The following CREBBP variants were observed in gnomAD, a reference collection of about 807,000 sequenced individuals.
The protein encoded by CREBBP is CREB-binding protein.
In CREBBP, 19 loss-of-function variants were observed where a neutral mutation model predicts 265.0. The observed-to-expected ratio is 0.07, with a 90% CI of 0.05 to 0.11. CREBBP has a LOEUF of 0.11. CREBBP is among the 10% of genes least tolerant of loss of function. The pLI, the probability that CREBBP is intolerant of heterozygous loss-of-function variation, is 1.00. For synonymous variants in CREBBP, 1,457 were observed against 1,223.7 expected (o/e 1.19, Z -3.98); for missense variants, 2,525 against 3,219.0 (o/e 0.78, Z 5.22).
rs1338953706 is a variant in CREBBP, at chr16:3,726,230, A to C, written c.*1488T>G. On this transcript the variant is annotated 3_prime_UTR_variant, in exon 31 of 31. Transcript: ENST00000262367. Reference sequence around the variant, plus strand: ...AGCACTCTCTGCCTCAGATTCTGGGAGTCGTGTACGGGGGGGGGGAGCCGC... The same window carrying C: ...AGCACTCTCTGCCTCAGATTCTGGGCGTCGTGTACGGGGGGGGGGAGCCGC... 5.0e-6 allele frequency: 1 copy of C among 201,086 alleles called. No individual in the cohort carries two copies. The highest frequency in any genetic ancestry group is 9.5e-6 in the Non-Finnish European group (1 of 104,768). 12.5% of individuals were successfully genotyped at this position (201,086 alleles called of 1,614,324 possible).
At chr16:3,847,174 C>T (rs2054685073) in intron 2 of CREBBP, among the ~76,000 whole-genome samples, 1 of 152,092 alleles carries the variant, frequency 6.6e-6, no homozygotes, top group African/African-American at 2.4e-5. Context: ...GTCACAGAGG[C>T]CATCTAAGGT....
At chr16:3,877,748 C>T (rs1309536583) in intron 1 of CREBBP, among the ~76,000 whole-genome samples, 1 of 152,218 alleles carries the variant, frequency 6.6e-6, no homozygotes, top group Non-Finnish European at 1.5e-5. Flanking sequence ...TCCTTGGTCC[C>T]CCATACTAAC....
chr16:3,870,446 T>G (rs181963878), intron 1 of CREBBP, among the ~76,000 whole-genome samples: 13 of 152,382 alleles, frequency 8.5e-5, no homozygotes, highest in African/African-American at 2.9e-4. Flanking sequence ...CTCTAAGTCC[T>G]AATCTAAATC....
intron 3 of CREBBP, among the ~76,000 whole-genome samples, chr16:3,803,443 G>A (rs2053766265): frequency 6.6e-6 from 1 of 151,694 alleles, no homozygotes. Context: ...AGGCAGAGGT[G>A]GCAGTGAGCC....
intron 2 of CREBBP, among the ~76,000 whole-genome samples, chr16:3,823,621 C>T (rs183808132): frequency 2.0e-5 from 3 of 152,222 alleles, no homozygotes; most frequent in East Asian, 1.9e-4. Context: ...AGACATCCCA[C>T]GTTTGGCTCT....
chr16:3,849,887 G>C (rs1172408665), intron 2 of CREBBP, among the ~76,000 whole-genome samples: 2 of 152,028 alleles, frequency 1.3e-5, no homozygotes, highest in African/African-American at 2.4e-5. Context: ...AGCAGGGAGT[G>C]AGCTGACAAC....
Position 3,758,026 on chromosome 16 carries a change from T to G in CREBBP, c.3392A>C (p.Asn1131Thr), listed in dbSNP as rs2151384051. 1 of 1,612,552 alleles carries G rather than the reference T, an allele frequency of 6.2e-7. No individual in the cohort carries two copies. Among genetic ancestry groups the G allele is most frequent in the Non-Finnish European group, 8.5e-7 (1 of 1,179,964 alleles). Residue 1131 changes from asparagine to threonine, a missense_variant, in exon 18 of 31, where the codon AAT becomes ACT. By Grantham distance (65) the Asn-to-Thr change is moderately conservative. Around this residue, in one of 19 missense-constraint regions of CREBBP, gnomAD observed 252 missense variants for 452.5 expected, o/e 0.56. Transcript: ENST00000262367. ...GIPDYFDIVKNPMDLSTIKRK... is the reference protein window; with the variant it reads ...GIPDYFDIVKTPMDLSTIKRK... ...CTTGATGGTGGAGAGGTCCATGGGA[T>G]TCTTTACGATGTCAAAATAGTCCTT...
intron 1 of CREBBP, among the ~76,000 whole-genome samples, chr16:3,862,039 T>G (rs767342477): frequency 4.6e-5 from 7 of 152,278 alleles, no homozygotes; most frequent in Admixed American, 6.5e-5. Context: ...CCTCACTCGG[T>G]GCAGGACCGG....
chr16:3,866,157 AAAG>A (rs2055175294), intron 1 of CREBBP, among the ~76,000 whole-genome samples: 1 of 152,248 alleles, frequency 6.6e-6, no homozygotes, highest in Non-Finnish European at 1.5e-5. Context: ...AGGGCACTTT[AAAG>A]AAGAACTTTT....
intron 21 of CREBBP, among the ~76,000 whole-genome samples, chr16:3,748,849 A>C (rs1486147849): frequency 6.6e-6 from 1 of 152,188 alleles, no homozygotes; most frequent in Non-Finnish European, 1.5e-5. Context: ...ATCACTGTAG[A>C]AAAGTGCTTA....
In CREBBP at chr16:3,778,063, G is replaced by C. The variant is rs146874678; in HGVS notation, c.2061C>G (p.Ala687=). The C allele has an allele frequency of 1.9e-6, 3 of 1,614,100 alleles. No homozygotes were observed. Among genetic ancestry groups the C allele is most frequent in the Non-Finnish European group, 2.5e-6 (3 of 1,180,030 alleles). The change falls in exon 10 of 31, where the codon GCC becomes GCG. Residue 687 remains alanine, a synonymous_variant. Transcript: ENST00000262367. ...GILGNQPALP[A]PGAQPPVIPQ... ...GAATCACAGGGGGCTGAGCCCCCGG[G>C]GCTGGTAAGGCTGGCTGGTTCCCCA...
chr16:3,856,642 G>C (rs1052788605), intron 1 of CREBBP, among the ~76,000 whole-genome samples: 1 of 152,148 alleles, frequency 6.6e-6, no homozygotes, highest in Non-Finnish European at 1.5e-5. Flanking sequence ...TAAAAATGCA[G>C]TGTTCCTTAA....
At chr16:3,759,554 T>G (rs566189380) in intron 16 of CREBBP, among the ~76,000 whole-genome samples, 1 of 141,220 alleles carries the variant, frequency 7.1e-6, no homozygotes, top group Non-Finnish European at 1.5e-5. Context: ...GCCACTGCAC[T>G]CCAGCCTGGA....
At chr16:3,759,038 T>A in intron 16 of CREBBP, 66 bp from the exon 17 acceptor site, 1 of 1,240,480 alleles carries the variant, frequency 8.1e-7, no homozygotes, top group Non-Finnish European at 1.2e-6. Flanking sequence ...ACCTCACATT[T>A]AAAACGGAAT....
At chr16:3,875,696 G>A (rs1005505221) in intron 1 of CREBBP, among the ~76,000 whole-genome samples, 25 of 152,200 alleles carry the variant, frequency 1.6e-4, no homozygotes, top group Admixed American at 1.6e-3. Flanking sequence ...ATAGAGCTAC[G>A]GACTTTAACA....
chr16:3,847,220 T>C (rs894332685), intron 2 of CREBBP, among the ~76,000 whole-genome samples: 2 of 152,228 alleles, frequency 1.3e-5, no homozygotes, highest in African/African-American at 4.8e-5. Context: ...GCTTATGTAG[T>C]CTGGTTTCAT....
At chr16:3,868,014 C>A (rs186684789) in intron 1 of CREBBP, among the ~76,000 whole-genome samples, 1 of 152,112 alleles carries the variant, frequency 6.6e-6, no homozygotes, top group African/African-American at 2.4e-5. Flanking sequence ...ATGTATCAGT[C>A]TGAAAGGCAC....
At chr16:3,860,342 G>A (rs934341005) in intron 1 of CREBBP, among the ~76,000 whole-genome samples, 3 of 152,080 alleles carry the variant, frequency 2.0e-5, no homozygotes, top group African/African-American at 7.2e-5. Flanking sequence ...ACTTCCAAAA[G>A]GAATTTTTTT....
At chr16:3,750,998 G>C (rs558146775) in intron 20 of CREBBP, among the ~76,000 whole-genome samples, 2 of 152,234 alleles carry the variant, frequency 1.3e-5, no homozygotes, top group East Asian at 3.9e-4. Flanking sequence ...CAAGGCAGGA[G>C]GACTGCTTGA....
Sources: allele counts gnomAD v4.1 joint callset (sites outside exome capture counted in the v4.1 genomes callset), GRCh38; gene constraint gnomAD v4.1.1; regional missense constraint gnomAD v4.1.1; transcripts MANE v1.5; gene names NCBI Gene and HGNC (gene_info 2026-07-23, HGNC 2026-07-21).